Variants in LRP1-AS observed in about 807,000 individuals in gnomAD.
LRP1-AS encodes the protein LRP1 antisense RNA.
At chr12:57,146,991 C>A (rs1426814347) in intron 1 of LRP1-AS, among the ~76,000 whole-genome samples, 1 of 152,046 alleles carries the variant, frequency 6.6e-6, no homozygotes, top group Non-Finnish European at 1.5e-5. Flanking sequence ...TATGGGGTGT[C>A]CTGGAGGTAA....
At chr12:57,144,972 A>G in exon 2 of LRP1-AS, 1 of 1,613,640 alleles carries the variant, frequency 6.2e-7, no homozygotes, top group Non-Finnish European at 8.5e-7. Flanking sequence ...TCCTCGGCAG[A>G]TTTTGATGAG....
chr12:57,147,158 A>G (rs936086006), intron 1 of LRP1-AS, among the ~76,000 whole-genome samples: 3 of 151,532 alleles, frequency 2.0e-5, no homozygotes, highest in African/African-American at 7.3e-5. Context: ...GAAGAGTCCA[A>G]GGGGAAATGC....
intron 1 of LRP1-AS, chr12:57,146,696 C>A (rs1047583578): frequency 5.3e-5 from 8 of 152,316 alleles, no homozygotes; most frequent in East Asian, 3.9e-4. Context: ...CTGATAGCGT[C>A]CTTGGGCTGC....
intron 1 of LRP1-AS, chr12:57,145,436 G>A (rs374633149): frequency 7.4e-6 from 12 of 1,613,988 alleles, no homozygotes; most frequent in Non-Finnish European, 1.0e-5. Context: ...CCGCATGCCT[G>A]GCCTAAAGGG....
intron 1 of LRP1-AS, chr12:57,145,587 G>C: frequency 6.9e-7 from 1 of 1,456,482 alleles, no homozygotes; most frequent in African/African-American, 1.4e-5. Flanking sequence ...TACACAGGAT[G>C]GTCCTGTCTG....
chr12:57,145,528 G>A, intron 1 of LRP1-AS: 1 of 1,603,030 alleles, frequency 6.2e-7, no homozygotes. Context: ...GCTGGGGAGG[G>A]TAGGGGAGAC....
intron 1 of LRP1-AS, chr12:57,145,222 C>G: frequency 1.9e-6 from 3 of 1,614,102 alleles, no homozygotes; most frequent in Non-Finnish European, 2.5e-6. Flanking sequence ...CTTCCCCATT[C>G]CCAGAGCCAG....
exon 2 of LRP1-AS, chr12:57,144,814 G>T: frequency 1.4e-6 from 1 of 703,008 alleles, no homozygotes; most frequent in Non-Finnish European, 2.5e-6. Flanking sequence ...TGGACTTGCT[G>T]GGTGTTAAGG....
chr12:57,145,899 GC>G (rs2035396136), intron 1 of LRP1-AS, among the ~76,000 whole-genome samples: 1 of 152,128 alleles, frequency 6.6e-6, no homozygotes. Context: ...AGGAGCTGGG[GC>G]CCAGCTGCTC....
chr12:57,145,294 T>C (rs1446766388), intron 1 of LRP1-AS: 2 of 1,614,042 alleles, frequency 1.2e-6, no homozygotes, highest in Admixed American at 3.3e-5. Context: ...CGTACCTGAG[T>C]GGGGCCCAGG....
intron 1 of LRP1-AS, chr12:57,145,139 C>T (rs767062770): frequency 2.2e-5 from 36 of 1,613,434 alleles, no homozygotes; most frequent in Non-Finnish European, 3.1e-5. Context: ...CTAACTAAGC[C>T]CCCTCAATGC....
chr12:57,144,711 C>T, exon 2 of LRP1-AS: 1 of 510,916 alleles, frequency 2.0e-6, no homozygotes, highest in Admixed American at 3.3e-5. Flanking sequence ...TGATGCACCC[C>T]TGGCACCTGA....
At chr12:57,144,951 T>C in exon 2 of LRP1-AS, 1 of 1,612,284 alleles carries the variant, frequency 6.2e-7, no homozygotes, top group Non-Finnish European at 8.5e-7. Flanking sequence ...AATGACCACA[T>C]TCTTGCCCTT....
At chr12:57,145,857 G>A (rs1363068313) in intron 1 of LRP1-AS, among the ~76,000 whole-genome samples, 1 of 152,168 alleles carries the variant, frequency 6.6e-6, no homozygotes, top group Non-Finnish European at 1.5e-5. Context: ...GCGGAAGCCT[G>A]AGGTGCCCTG....
At chr12:57,145,306 G>A in intron 1 of LRP1-AS, 9 of 1,614,198 alleles carry the variant, frequency 5.6e-6, no homozygotes, top group Non-Finnish European at 6.8e-6. Context: ...GGGCCCAGGT[G>A]TCTACCATCA....
exon 2 of LRP1-AS, chr12:57,144,917 C>A: frequency 6.4e-7 from 1 of 1,570,770 alleles, no homozygotes; most frequent in Non-Finnish European, 8.8e-7. Context: ...TGATCACCCA[C>A]TTCGTTGCCC....
At position 57,145,446 on chromosome 12, in the gene LRP1-AS, G is replaced by C. The variant is rs368620750; in HGVS notation, n.182-363C>G. The C allele has an allele frequency of 7.4e-6, 12 of 1,613,976 alleles. No homozygotes were observed. The African/African-American group carries it at 1.5e-4, about 20-fold the overall frequency. Reference sequence around the variant, plus strand: ...TGTGCCCGCATGCCTGGCCTAAAGGGCTTCGTGGATGAGCACACCATCAAC... The same window carrying C: ...TGTGCCCGCATGCCTGGCCTAAAGGCCTTCGTGGATGAGCACACCATCAAC... On this transcript the variant is annotated intron_variant and non_coding_transcript_variant, in intron 1 of 1. Transcript: ENST00000555461.
At chr12:57,145,474 C>G (rs2035386033) in intron 1 of LRP1-AS, 1 of 1,613,650 alleles carries the variant, frequency 6.2e-7, no homozygotes, top group Non-Finnish European at 8.5e-7. Context: ...CCATCAACAT[C>G]TCCCTCAGTC....
At position 57,145,487 on chromosome 12, in the gene LRP1-AS, C is replaced by T. The variant is rs1450589481; in HGVS notation, n.182-404G>A. The T allele has an allele frequency of 4.3e-6, 7 of 1,612,280 alleles. No homozygotes were observed. In the East Asian group the frequency reaches 1.6e-4, roughly 36 times the overall value. On this transcript the variant is annotated intron_variant and non_coding_transcript_variant, in intron 1 of 1. Transcript: ENST00000555461. ...CACCATCAACATCTCCCTCAGTCTG[C>T]ACCGTGAGTCACCTGCTCTCAGCTT...
Sources: allele counts gnomAD v4.1 joint callset (sites outside exome capture counted in the v4.1 genomes callset), GRCh38; gene constraint gnomAD v4.1.1; transcripts MANE v1.5; gene names NCBI Gene and HGNC (gene_info 2026-07-23, HGNC 2026-07-21).